Variants in OLFM1 observed in about 807,000 individuals in gnomAD.
The protein encoded by OLFM1 is noelin.
In OLFM1, 9 loss-of-function variants were observed where a neutral mutation model predicts 49.7. The ratio of observed to expected loss-of-function variants is 0.18; its 90% CI spans 0.11 to 0.32. The LOEUF (loss-of-function observed/expected upper bound fraction) is 0.32. Ranked by LOEUF, OLFM1 falls within the 10% of genes least tolerant of loss-of-function variation. OLFM1 has a pLI of 1.00. For synonymous variants in OLFM1, 240 were observed against 271.8 expected (o/e 0.88, Z 1.15); for missense variants, 369 against 661.8 (o/e 0.56, Z 4.85).
At chr9:135,087,465 T>C (rs1457407742), upstream of OLFM1, 1 of 1,530,596 alleles carries the variant, frequency 6.5e-7, no homozygotes. Flanking sequence ...CTGGGGGTGG[T>C]GGTGTGTCCG....
At chr9:135,078,443 C>A (rs1258126751) in intron 1 of OLFM1, among the ~76,000 whole-genome samples, 2 of 152,200 alleles carry the variant, frequency 1.3e-5, no homozygotes, top group Non-Finnish European at 2.9e-5. Context: ...CATGGCGGGG[C>A]CATCTGTTCT....
intron 5 of OLFM1, among the ~76,000 whole-genome samples, chr9:135,111,343 TAG>T (rs1831019626): frequency 6.6e-6 from 1 of 152,174 alleles, no homozygotes; most frequent in Admixed American, 6.5e-5. Flanking sequence ...GTCGTCGAAT[TAG>T]AGTGAGGCTG....
chr9:135,084,245 G>C (rs1413176100), upstream of OLFM1, among the ~76,000 whole-genome samples: 5 of 152,326 alleles, frequency 3.3e-5, no homozygotes, highest in African/African-American at 1.2e-4. The surrounding 1 kb of genome is among the most constrained non-coding windows in gnomAD (Gnocchi z 4.6). Flanking sequence ...GTAGAAAAAG[G>C]AGAGGTGGCT....
At chr9:135,102,159 G>C (rs1387299139) in intron 4 of OLFM1, among the ~76,000 whole-genome samples, 2 of 152,218 alleles carry the variant, frequency 1.3e-5, no homozygotes, top group Non-Finnish European at 2.9e-5. Context: ...CCCCGTCCCA[G>C]CTCGGGATGG....
intron 1 of OLFM1, chr9:135,076,072 G>A (rs1830461183): frequency 5.5e-6 from 8 of 1,466,784 alleles, no homozygotes; most frequent in Non-Finnish European, 7.2e-6. Flanking sequence ...CGCTGCCCCC[G>A]ACTCCCTGCT....
chr9:135,083,748 T>C (rs1057250857), upstream of OLFM1, among the ~76,000 whole-genome samples: 1 of 152,192 alleles, frequency 6.6e-6, no homozygotes, highest in Non-Finnish European at 1.5e-5. Context: ...TGTCCTGTCA[T>C]TCGAGGGCCC....
At chr9:135,076,786 T>G (rs1458172303) in intron 1 of OLFM1, 1 of 1,514,434 alleles carries the variant, frequency 6.6e-7, no homozygotes, top group African/African-American at 1.4e-5. Flanking sequence ...CCTTCTTTCC[T>G]TCCTCCCTTC....
intron 5 of OLFM1, among the ~76,000 whole-genome samples, chr9:135,116,537 C>T (rs1477232851): frequency 6.6e-6 from 1 of 152,034 alleles, no homozygotes; most frequent in African/African-American, 2.4e-5. Flanking sequence ...CACCCTGGGT[C>T]CCCGCGATCA....
Position 135,098,399 on chromosome 9 carries a change from A to C in OLFM1, c.570A>C (p.Ser190=). 1 of 1,613,964 alleles carries C rather than the reference A, an allele frequency of 6.2e-7. No individual in the cohort carries two copies. Residue 190 remains serine (S), a synonymous_variant, in exon 4 of 6, where the codon TCA becomes TCC. Coordinates refer to ENST00000371793, the MANE Select transcript of OLFM1 (RefSeq NM_001282611.2). The surrounding 1 kb of genome is among the most constrained non-coding windows in gnomAD (Gnocchi z 5.6). ...AAGAGGAGGTCCAGAATCTGACGTC[A>C]GTGCTTAACGAGCTGCAAGAGGAAA... ...QFKEEVQNLT[S]VLNELQEEIG...
chr9:135,083,177 GA>G (rs1830553650), upstream of OLFM1, among the ~76,000 whole-genome samples: 1 of 152,194 alleles, frequency 6.6e-6, no homozygotes, highest in African/African-American at 2.4e-5. Context: ...TGGGGTCCCT[GA>G]AAAACGTGCA....
At position 135,091,681 on chromosome 9, in the gene OLFM1, A is replaced by AG. The variant is rs1564270842; in HGVS notation, c.300+1337_300+1338insG. Among the ~76,000 whole-genome samples the AG allele has an allele frequency of 3.2e-4, 30 of 93,338 alleles. 4 individuals are homozygous for AG. Among genetic ancestry groups the AG allele is most frequent in the Admixed American group, 1.2e-3 (11 of 9,376 alleles). 61.2% of individuals were successfully genotyped at this position (93,338 alleles called of 152,430 possible). A position where few individuals can be genotyped will look rare whatever the true frequency, so the allele number is the denominator to read the frequency against. On this transcript the variant is annotated intron_variant, in intron 2 of 5. Coordinates refer to ENST00000371793, the MANE Select transcript of OLFM1 (RefSeq NM_001282611.2). The stretch of plus-strand genomic sequence containing the variant: ...CACACACACAGTCACACACTCACAC[A>AG]TAGTCTCACACACACACAGTCACAC...
upstream of OLFM1, chr9:135,086,544 AGAG>A: frequency 2.2e-6 from 1 of 445,414 alleles, no homozygotes; most frequent in Non-Finnish European, 4.5e-6. Flanking sequence ...TCGCCCAGGC[AGAG>A]AAGAGTGTAG....
intron 4 of OLFM1, 107 bp from the exon 5 acceptor site, chr9:135,106,642 G>A: frequency 1.3e-6 from 1 of 770,418 alleles, no homozygotes; most frequent in Non-Finnish European, 2.1e-6. Context: ...GAGGGCAAGA[G>A]GAGAAGCCGC....
chr9:135,075,749 C>T (rs542558574), exon 1 of OLFM1: 12 of 1,606,590 alleles, frequency 7.5e-6, no homozygotes, highest in Non-Finnish European at 1.0e-5. Context: ...GCACCCGGCC[C>T]GGAAGCTCCT....
chr9:135,099,316 TTTAGGGTAAC>T (rs1313002280), intron 4 of OLFM1, among the ~76,000 whole-genome samples: 4 of 152,332 alleles, frequency 2.6e-5, no homozygotes, highest in Admixed American at 2.6e-4. Flanking sequence ...CTACCTACTT[TTTAGGGTAAC>T]TTAGGGTAAT....
intron 2 of OLFM1, among the ~76,000 whole-genome samples, chr9:135,091,431 ACACACT>A (rs1483772898): frequency 6.6e-6 from 1 of 151,394 alleles, no homozygotes; most frequent in Non-Finnish European, 1.5e-5. Context: ...ACACTCACAA[ACACACT>A]CACACATAGT....
Position 135,119,565 on chromosome 9 carries a change from A to G in OLFM1, c.845A>G (p.Asp282Gly). The G allele has an allele frequency of 6.2e-7, 1 of 1,614,088 alleles. No homozygotes were observed. The highest frequency in any genetic ancestry group is 8.5e-7 in the Non-Finnish European group (1 of 1,179,990). The change falls in exon 6 of 6, where the codon GAC (aspartate) becomes GGC (glycine). Residue 282 changes from aspartate (D) to glycine (G), a missense_variant. Around this residue, in one of 3 missense-constraint regions of OLFM1, gnomAD observed 294 missense variants for 567.5 expected, o/e 0.52. Coordinates refer to ENST00000371793, the MANE Select transcript of OLFM1 (RefSeq NM_001282611.2). Reference protein sequence around the residue: ...RFVREYKSMVDFMNTDNFTSH... With the variant: ...RFVREYKSMVGFMNTDNFTSH... Reference sequence around the variant, plus strand: ...GTACGTGAGTACAAGTCCATGGTTGACTTCATGAACACGGACAATTTCACC... The same window carrying G: ...GTACGTGAGTACAAGTCCATGGTTGGCTTCATGAACACGGACAATTTCACC...
At chr9:135,097,350 T>C (rs924659790) in intron 3 of OLFM1, among the ~76,000 whole-genome samples, 2 of 152,200 alleles carry the variant, frequency 1.3e-5, no homozygotes, top group Admixed American at 1.3e-4. Flanking sequence ...TCATCATGAA[T>C]TACTCTGGAG....
chr9:135,120,049 G>A lies in OLFM1; in HGVS notation c.1329G>A (p.Gln443=). 1 of 1,614,036 alleles carries A rather than the reference G, an allele frequency of 6.2e-7. No homozygotes were observed. The highest frequency in any genetic ancestry group is 8.5e-7 in the Non-Finnish European group (1 of 1,180,038). ...STYEYIDIPF[Q]NKYSHISMLD... Reference sequence around the variant, plus strand: ...ATGAATACATCGACATCCCATTCCAGAACAAATACTCCCACATCTCCATGC... The same window carrying A: ...ATGAATACATCGACATCCCATTCCAAAACAAATACTCCCACATCTCCATGC... The change falls in exon 6 of 6, where the codon CAG becomes CAA. Residue 443 remains glutamine, a synonymous_variant. Coordinates refer to ENST00000371793, the MANE Select transcript of OLFM1 (RefSeq NM_001282611.2).
Sources: gnomAD v4.1 joint callset for allele counts (sites outside exome capture counted in the v4.1 genomes callset) on GRCh38, gnomAD v4.1.1 for gene constraint, gnomAD v4.1.1 regional missense constraint, Gnocchi (gnomAD v3.1) non-coding constraint, MANE v1.5 for transcripts, NCBI Gene and HGNC (gene_info 2026-07-23, HGNC 2026-07-21) for gene names.